PPARG: variants seen among roughly 807,000 people sequenced by gnomAD.
PPARG encodes peroxisome proliferator-activated receptor gamma.
Under a neutral mutation model 39.2 loss-of-function variants are expected in PPARG, and 17 were observed. The observed-to-expected ratio is 0.43, with a 90% CI of 0.30 to 0.65. The LOEUF is 0.65. Ranked by LOEUF, PPARG falls within the 30% of genes least tolerant of loss-of-function variation. The pLI is 0.13. For missense variants in PPARG, 406 were observed against 585.9 expected, an observed-to-expected ratio of 0.69 and a Z score of 3.17; for synonymous variants, 223 against 215.7, an observed-to-expected ratio of 1.03 and a Z score of -0.30.
At chr3:12,294,317 C>T (rs6785890) in intron 1 of PPARG, among the ~76,000 whole-genome samples, 4 of 151,988 alleles carry the variant, frequency 2.6e-5, no homozygotes, top group Non-Finnish European at 4.4e-5. Flanking sequence ...AACAGTTATT[C>T]TGAAACATCA....
intron 2 of PPARG, among the ~76,000 whole-genome samples, chr3:12,357,484 G>T (rs1259435470): frequency 2.0e-5 from 3 of 152,064 alleles, no homozygotes; most frequent in African/African-American, 7.2e-5. Flanking sequence ...GGGTGACCTT[G>T]GCCTTCCCTA....
At chr3:12,314,112 A>G (rs1367499918) in intron 2 of PPARG, among the ~76,000 whole-genome samples, 2 of 152,080 alleles carry the variant, frequency 1.3e-5, no homozygotes, top group African/African-American at 4.8e-5. Flanking sequence ...CCCCATCTCT[A>G]CTAAAAATAT....
At chr3:12,303,057 G>T (rs1181895138) in intron 1 of PPARG, among the ~76,000 whole-genome samples, 2 of 152,172 alleles carry the variant, frequency 1.3e-5, no homozygotes, top group African/African-American at 4.8e-5. Flanking sequence ...ATATTATTAT[G>T]ATATTCAAGC....
intron 7 of PPARG, among the ~76,000 whole-genome samples, chr3:12,422,703 G>C (rs1274333543): frequency 6.6e-6 from 1 of 151,930 alleles, no homozygotes; most frequent in East Asian, 1.9e-4. Context: ...AACATAGGGA[G>C]GCTTCGTCTC....
chr3:12,385,320 A>G (rs1231771555), intron 4 of PPARG, among the ~76,000 whole-genome samples: 1 of 152,194 alleles, frequency 6.6e-6, no homozygotes. Flanking sequence ...TTCCTAAACA[A>G]TTTTACAATG....
rs542242301 is a variant in PPARG at position 12,412,032 on chromosome 3, ATTGT to A, written c.730-4668_730-4665del. On this transcript the variant is annotated intron_variant, in intron 6 of 7. Coordinates refer to ENST00000651735, the MANE Select transcript of PPARG (RefSeq NM_138711.6). ...CACTCTGACAGGGTTACCTCAAGTG[ATTGT>A]TTGAGAGAGGGTAGAGGGGTTGACT... is the stretch of plus-strand genomic sequence containing the variant. Among the ~76,000 whole-genome samples, 10 of 152,252 alleles carry A rather than the reference ATTGT, an allele frequency of 6.6e-5. No individual in the cohort carries two copies. In the South Asian group the frequency reaches 1.9e-3, roughly 28 times the overall value.
intron 2 of PPARG, among the ~76,000 whole-genome samples, chr3:12,375,023 A>C (rs949019280): frequency 6.6e-6 from 1 of 152,232 alleles, no homozygotes; most frequent in Non-Finnish European, 1.5e-5. Flanking sequence ...GGCTATTTTC[A>C]CATTAAAAAT....
At chr3:12,407,865 A>G (rs2050728580) in intron 6 of PPARG, among the ~76,000 whole-genome samples, 1 of 152,284 alleles carries the variant, frequency 6.6e-6, no homozygotes, top group South Asian at 2.1e-4. Flanking sequence ...CAACAATAAT[A>G]TACCTGGATT....
At chr3:12,359,587 C>T (rs1335889205) in intron 2 of PPARG, among the ~76,000 whole-genome samples, 1 of 151,848 alleles carries the variant, frequency 6.6e-6, no homozygotes. Flanking sequence ...ATACAGTGTC[C>T]TTGTAAAGCA....
chr3:12,348,406 G>A (rs2048386682), intron 2 of PPARG, among the ~76,000 whole-genome samples: 1 of 152,198 alleles, frequency 6.6e-6, no homozygotes, highest in Non-Finnish European at 1.5e-5. Flanking sequence ...GTTCTGTGAA[G>A]TAATATTGAA....
At chr3:12,413,487 C>G (rs1355144180) in intron 6 of PPARG, among the ~76,000 whole-genome samples, 1 of 152,118 alleles carries the variant, frequency 6.6e-6, no homozygotes, top group Admixed American at 6.5e-5. Context: ...TAGTTCACCT[C>G]TTCTTCAGAA....
intron 7 of PPARG, among the ~76,000 whole-genome samples, chr3:12,418,427 C>T (rs750545542): frequency 1.3e-5 from 2 of 152,072 alleles, no homozygotes; most frequent in East Asian, 1.9e-4. Flanking sequence ...AAAAACCCGT[C>T]GGGGGATAGT....
chr3:12,288,973 G>A (rs893655535), upstream of PPARG: 2 of 152,362 alleles, frequency 1.3e-5, no homozygotes, highest in Non-Finnish European at 1.5e-5. Context: ...GGTACTTTAC[G>A]CCTCGGTGTT....
chr3:12,318,038 A>G (rs1218231535), intron 2 of PPARG, among the ~76,000 whole-genome samples: 5 of 152,068 alleles, frequency 3.3e-5, no homozygotes, highest in Admixed American at 3.3e-4. Context: ...CAGTGGTGCA[A>G]TCATAGCTCA....
intron 4 of PPARG, among the ~76,000 whole-genome samples, chr3:12,383,514 T>C (rs1246971329): frequency 6.6e-6 from 1 of 152,164 alleles, no homozygotes; most frequent in African/African-American, 2.4e-5. Context: ...GAGTAAACTG[T>C]TGCTAAATTC....
upstream of PPARG, among the ~76,000 whole-genome samples, chr3:12,288,391 G>T (rs2046562644): frequency 6.6e-6 from 1 of 151,782 alleles, no homozygotes; most frequent in Non-Finnish European, 1.5e-5. Context: ...GAGTGGACGC[G>T]AGCCGGTGCG....
chr3:12,378,413 G>GTA (rs929482147), intron 2 of PPARG, among the ~76,000 whole-genome samples: 20 of 151,904 alleles, frequency 1.3e-4, no homozygotes, highest in African/African-American at 4.4e-4. Flanking sequence ...GTATATATCT[G>GTA]TATATATATA....
chr3:12,423,883 T>G (rs1357902900), intron 7 of PPARG, among the ~76,000 whole-genome samples: 1 of 152,230 alleles, frequency 6.6e-6, no homozygotes, highest in Non-Finnish European at 1.5e-5. Context: ...CCAAAGAGTA[T>G]TATTGCATAG....
chr3:12,329,685 G>T (rs1166583867), intron 2 of PPARG, among the ~76,000 whole-genome samples: 2 of 151,830 alleles, frequency 1.3e-5, no homozygotes, highest in Admixed American at 1.3e-4. Context: ...GTGTACATTG[G>T]TACAGTGGCA....
Sources: allele counts gnomAD v4.1 joint callset (sites outside exome capture counted in the v4.1 genomes callset), GRCh38; gene constraint gnomAD v4.1.1; transcripts MANE v1.5; gene names NCBI Gene and HGNC (gene_info 2026-07-23, HGNC 2026-07-21).